Variants in NKAIN2 observed in about 807,000 individuals in gnomAD.
The protein encoded by NKAIN2 is sodium/potassium transporting ATPase interacting 2, also known as sodium/potassium-transporting ATPase subunit beta-1-interacting protein 2.
Under a neutral mutation model 32.6 loss-of-function variants are expected in NKAIN2, and 14 were observed. That is an observed-to-expected ratio of 0.43 (90% CI 0.28 to 0.67). NKAIN2 has a LOEUF of 0.67. NKAIN2 is among the 30% of genes least tolerant of loss of function. The pLI is 0.17. For synonymous variants in NKAIN2, 80 were observed against 87.2 expected (o/e 0.92, Z 0.46); for missense variants, 198 against 258.3 (o/e 0.77, Z 1.60).
At chr6:124,673,813 T>C (rs1773220792) in intron 4 of NKAIN2, among the ~76,000 whole-genome samples, 1 of 152,052 alleles carries the variant, frequency 6.6e-6, no homozygotes, top group Non-Finnish European at 1.5e-5. Context: ...TTTACCAATA[T>C]TTTCCACTAT....
At chr6:124,329,272 C>T (rs1048208222) in intron 2 of NKAIN2, among the ~76,000 whole-genome samples, 3 of 152,164 alleles carry the variant, frequency 2.0e-5, no homozygotes, top group Non-Finnish European at 2.9e-5. Flanking sequence ...AATTAGCAAG[C>T]GATGCCTCAT....
intron 5 of NKAIN2, among the ~76,000 whole-genome samples, chr6:124,816,537 T>C (rs958505279): frequency 4.6e-5 from 7 of 152,278 alleles, no homozygotes; most frequent in South Asian, 2.1e-4. Flanking sequence ...GCAGGAAATA[T>C]ACAGGAATTA....
chr6:123,976,939 T>C (rs1778667498), intron 1 of NKAIN2, among the ~76,000 whole-genome samples: 1 of 116,294 alleles, frequency 8.6e-6, no homozygotes, highest in South Asian at 4.1e-4. Context: ...TCACTGTCCT[T>C]AATGCACCTG....
At chr6:124,717,208 T>C (rs888392604) in intron 4 of NKAIN2, among the ~76,000 whole-genome samples, 1 of 152,234 alleles carries the variant, frequency 6.6e-6, no homozygotes, top group East Asian at 1.9e-4. Context: ...TGTTCTAAGA[T>C]AAATTATGTA....
chr6:124,676,652 T>G (rs1252417468), intron 4 of NKAIN2, among the ~76,000 whole-genome samples: 1 of 152,158 alleles, frequency 6.6e-6, no homozygotes. Context: ...CAGCCTAGAA[T>G]GCAGTGGCAC....
At chr6:124,050,884 G>A (rs1782369968) in intron 1 of NKAIN2, among the ~76,000 whole-genome samples, 1 of 151,988 alleles carries the variant, frequency 6.6e-6, no homozygotes, top group African/African-American at 2.4e-5. Context: ...ATCAATGAGT[G>A]ATTTGGGAAT....
intron 2 of NKAIN2, among the ~76,000 whole-genome samples, 156 bp from the exon 3 acceptor site, chr6:124,355,111 A>G (rs1798912515): frequency 6.6e-6 from 1 of 151,810 alleles, no homozygotes; most frequent in Admixed American, 6.6e-5. Flanking sequence ...ATCTCAACAG[A>G]GATAAACGTA....
At chr6:124,151,080 G>T (rs554902343) in intron 1 of NKAIN2, among the ~76,000 whole-genome samples, 1 of 151,850 alleles carries the variant, frequency 6.6e-6, no homozygotes, top group South Asian at 2.1e-4. Context: ...TACTTAATCA[G>T]CATAACTCCT....
chr6:124,558,719 G>A lies in NKAIN2; in HGVS notation c.274-99467G>A, dbSNP rs150050052. ...TCCCAGCACTTTGGGAGGCCAAGGCGGGTGGATCACTTGAGGTCAGTAGTT... is the reference window on the plus strand; with the variant it reads ...TCCCAGCACTTTGGGAGGCCAAGGCAGGTGGATCACTTGAGGTCAGTAGTT... On this transcript the variant is annotated intron_variant, in intron 3 of 6. Coordinates refer to ENST00000368417, the MANE Select transcript of NKAIN2 (RefSeq NM_001040214.3). Among the ~76,000 whole-genome samples, 121 of 152,244 alleles carry A rather than the reference G, an allele frequency of 7.9e-4. No individual in the cohort carries two copies. In the Middle Eastern group the frequency reaches 0.02, roughly 26 times the overall value.
intron 1 of NKAIN2, among the ~76,000 whole-genome samples, chr6:124,056,337 AT>A (rs1388191180): frequency 6.6e-6 from 1 of 151,704 alleles, no homozygotes; most frequent in African/African-American, 2.4e-5. Context: ...CTTATCAAGC[AT>A]TGGTAGTTTT....
chr6:124,716,035 G>A lies in NKAIN2; in HGVS notation c.474+57649G>A, dbSNP rs149541446. ...CTTATTTTTGTTCTCTCTTTTCACA[G>A]CAATAGGCTCTGAACCCAGAGATTT... On this transcript the variant is annotated intron_variant, in intron 4 of 6. Transcript: ENST00000368417. 7.8e-3 allele frequency among the ~76,000 whole-genome samples: 1,189 copies of A among 152,240 alleles called. 18 individuals carry two copies. Among genetic ancestry groups the A allele is most frequent in the African/African-American group, 0.027 (1,106 of 41,544 alleles).
chr6:124,459,748 C>A (rs1384733904), intron 3 of NKAIN2, among the ~76,000 whole-genome samples: 1 of 151,708 alleles, frequency 6.6e-6, no homozygotes, highest in Non-Finnish European at 1.5e-5. Flanking sequence ...CATCTCTTTA[C>A]TGTAAAATTA....
intron 3 of NKAIN2, among the ~76,000 whole-genome samples, chr6:124,411,497 C>T (rs6924587): frequency 0.42 from 58,163 of 138,970 alleles, 13,639 homozygotes; most frequent in African/African-American, 0.68. Context: ...TTTAAGAATG[C>T]TGAATATTGG....
intron 4 of NKAIN2, among the ~76,000 whole-genome samples, chr6:124,754,226 A>AAAACTATTT (rs1777857738): frequency 6.6e-6 from 1 of 152,068 alleles, no homozygotes; most frequent in Non-Finnish European, 1.5e-5. Context: ...TATGGATGTA[A>AAAACTATTT]ACATAGTTTA....
chr6:124,129,360 A>C (rs76772457), intron 1 of NKAIN2, among the ~76,000 whole-genome samples: 3,499 of 152,298 alleles, frequency 0.023, 48 homozygotes, highest in Non-Finnish European at 0.028. Context: ...TTATGCTGAG[A>C]ATGCCATCAG....
intron 1 of NKAIN2, among the ~76,000 whole-genome samples, 190 bp downstream of exon 1, chr6:123,804,444 G>T (rs1227420758): frequency 6.6e-6 from 1 of 152,082 alleles, no homozygotes; most frequent in Non-Finnish European, 1.5e-5. Flanking sequence ...GAGCCTTTCC[G>T]TTCCCACCTA....
chr6:124,782,164 C>T (rs555746180), intron 4 of NKAIN2, among the ~76,000 whole-genome samples: 2 of 152,120 alleles, frequency 1.3e-5, no homozygotes, highest in African/African-American at 2.4e-5. Flanking sequence ...TCTGAGTTTA[C>T]GATAACATTT....
chr6:124,402,059 G>A (rs1266766871), intron 3 of NKAIN2, among the ~76,000 whole-genome samples: 1 of 151,936 alleles, frequency 6.6e-6, no homozygotes, highest in East Asian at 1.9e-4. Flanking sequence ...GTTAATGTCT[G>A]TGGACATGTT....
chr6:124,472,749 C>T (rs1168109280), intron 3 of NKAIN2, among the ~76,000 whole-genome samples: 1 of 151,046 alleles, frequency 6.6e-6, no homozygotes, highest in African/African-American at 2.4e-5. Flanking sequence ...TATGAAGGAC[C>T]TTGTATTACT....
Sources: allele counts gnomAD v4.1 joint callset (sites outside exome capture counted in the v4.1 genomes callset), GRCh38; gene constraint gnomAD v4.1.1; transcripts MANE v1.5; gene names NCBI Gene and HGNC (gene_info 2026-07-23, HGNC 2026-07-21).